The following EML4 variants were observed in gnomAD, a reference collection of about 807,000 sequenced individuals.
EML4 encodes the protein echinoderm microtubule-associated protein-like 4.
A neutral mutation model predicts 129.0 loss-of-function variants in EML4; 72 were observed. The observed-to-expected ratio is 0.56, with a 90% CI of 0.46 to 0.68. The LOEUF (loss-of-function observed/expected upper bound fraction) is 0.68, where lower values mean the gene tolerates loss of function less well. Among genes scored for constraint, EML4 ranks in the 30% least tolerant of loss-of-function variants. The pLI, the probability that EML4 is intolerant of heterozygous loss-of-function variation, is 0.00. For missense variants in EML4, 1,363 were observed against 1,190.6 expected (o/e 1.14, Z -2.13); for synonymous variants, 532 against 405.0 (o/e 1.31, Z -3.77).
intron 21 of EML4, among the ~76,000 whole-genome samples, chr2:42,328,395 T>C (rs1224755374): frequency 1.3e-5 from 2 of 152,244 alleles, no homozygotes; most frequent in African/African-American, 2.4e-5. Flanking sequence ...GCTAAACTAG[T>C]GGATGGCCTA....
intron 1 of EML4, 119 bp downstream of exon 1, chr2:42,169,755 C>G: frequency 8.5e-7 from 1 of 1,177,108 alleles, no homozygotes; most frequent in Non-Finnish European, 1.2e-6. Context: ...CTCCACTGCA[C>G]ATGTTCCCTT....
intron 7 of EML4, among the ~76,000 whole-genome samples, chr2:42,281,975 A>G (rs1235941183): frequency 6.6e-6 from 1 of 152,176 alleles, no homozygotes; most frequent in Non-Finnish European, 1.5e-5. Context: ...CATATTTTTA[A>G]CAAACATTCT....
At chr2:42,176,064 A>G (rs1009629378) in intron 1 of EML4, among the ~76,000 whole-genome samples, 8 of 151,642 alleles carry the variant, frequency 5.3e-5, no homozygotes, top group South Asian at 2.1e-4. Context: ...CTCTACTCCA[A>G]TACTGACTCT....
intron 1 of EML4, among the ~76,000 whole-genome samples, chr2:42,230,438 T>C (rs970739084): frequency 5.3e-5 from 8 of 152,194 alleles, no homozygotes; most frequent in Non-Finnish European, 4.4e-5. Flanking sequence ...ACAGAGTCTT[T>C]TACTGTTGCA....
chr2:42,209,702 T>C (rs1197434288), intron 1 of EML4, among the ~76,000 whole-genome samples: 1 of 152,098 alleles, frequency 6.6e-6, no homozygotes, highest in Non-Finnish European at 1.5e-5. Flanking sequence ...GGCTGAGGCC[T>C]GTGGATCACC....
chr2:42,270,432 C>G (rs941076314), intron 6 of EML4, among the ~76,000 whole-genome samples: 4 of 152,120 alleles, frequency 2.6e-5, no homozygotes, highest in Non-Finnish European at 5.9e-5. Flanking sequence ...TGGTGGCACA[C>G]GTGTAGTCCC....
At chr2:42,242,924 C>G (rs564880635) in intron 1 of EML4, among the ~76,000 whole-genome samples, 2 of 151,950 alleles carry the variant, frequency 1.3e-5, no homozygotes, top group Non-Finnish European at 2.9e-5. Flanking sequence ...ACTACAAACA[C>G]GTGCCACCAT....
chr2:42,324,598 A>T (rs1017033881), intron 19 of EML4, among the ~76,000 whole-genome samples: 2 of 152,196 alleles, frequency 1.3e-5, no homozygotes, highest in Non-Finnish European at 2.9e-5. Flanking sequence ...CAGCCTTGGC[A>T]ACAGAGTGAG....
intron 6 of EML4, among the ~76,000 whole-genome samples, chr2:42,271,975 G>A (rs916043134): frequency 1.3e-5 from 2 of 150,752 alleles, no homozygotes; most frequent in African/African-American, 4.9e-5. Flanking sequence ...GATGGCACCT[G>A]TCTGTTGTCC....
intron 1 of EML4, among the ~76,000 whole-genome samples, chr2:42,189,698 A>G (rs1023529542): frequency 4.6e-5 from 7 of 152,258 alleles, no homozygotes; most frequent in Non-Finnish European, 1.0e-4. Context: ...ATAAGGTTTA[A>G]GAGGGCTGGT....
At chr2:42,271,397 T>C (rs986483802) in intron 6 of EML4, among the ~76,000 whole-genome samples, 2 of 148,864 alleles carry the variant, frequency 1.3e-5, no homozygotes, top group African/African-American at 4.8e-5. Flanking sequence ...AAAGGGGACC[T>C]TTCCTCTGTT....
chr2:42,275,153 A>C (rs1666587148), intron 6 of EML4, among the ~76,000 whole-genome samples: 1 of 152,236 alleles, frequency 6.6e-6, no homozygotes, highest in Admixed American at 6.5e-5. Context: ...GTCACAAGTA[A>C]TATTAAGTTT....
chr2:42,250,241 C>A (rs1480263324), intron 2 of EML4, among the ~76,000 whole-genome samples: 1 of 152,016 alleles, frequency 6.6e-6, no homozygotes, highest in Admixed American at 6.6e-5. Context: ...ACGAAAGAAC[C>A]CAAAGGCAAA....
At chr2:42,287,558 T>G (rs1418387789) in intron 10 of EML4, among the ~76,000 whole-genome samples, 2 of 152,192 alleles carry the variant, frequency 1.3e-5, no homozygotes, top group Non-Finnish European at 2.9e-5. Context: ...TCCATAACAT[T>G]GTAAAGCATA....
intron 13 of EML4, among the ~76,000 whole-genome samples, chr2:42,300,951 AT>A (rs1473191977): frequency 1.3e-5 from 2 of 152,212 alleles, no homozygotes; most frequent in Admixed American, 1.3e-4. Context: ...CCTATACTAT[AT>A]CCCCTTTCGT....
intron 1 of EML4, chr2:42,170,406 G>A (rs1444339420): frequency 6.6e-6 from 1 of 152,254 alleles, no homozygotes; most frequent in Non-Finnish European, 1.5e-5. Context: ...GAATCAATAG[G>A]AAAGGGGGCC....
intron 6 of EML4, among the ~76,000 whole-genome samples, chr2:42,267,455 G>A (rs371536482): frequency 6.6e-6 from 1 of 152,060 alleles, no homozygotes; most frequent in East Asian, 1.9e-4. Context: ...CATTAATTTA[G>A]CCTCTTTTTG....
chr2:42,248,951 T>A (rs574368265), intron 2 of EML4, among the ~76,000 whole-genome samples: 1 of 152,152 alleles, frequency 6.6e-6, no homozygotes, highest in African/African-American at 2.4e-5. Context: ...ATTAAGACAT[T>A]GAGAGAAATA....
chr2:42,245,725 TG>T, intron 2 of EML4, 38 bp downstream of exon 2: 1 of 1,508,442 alleles, frequency 6.6e-7, no homozygotes, highest in South Asian at 1.3e-5. Flanking sequence ...TCTTGCTTTT[TG>T]CAATATTTTC....
Sources: gnomAD v4.1 joint callset for allele counts (sites outside exome capture counted in the v4.1 genomes callset) on GRCh38, gnomAD v4.1.1 for gene constraint, MANE v1.5 for transcripts, NCBI Gene and HGNC (gene_info 2026-07-23, HGNC 2026-07-21) for gene names.